Variants in SYT16 observed in about 807,000 individuals in gnomAD.
The protein encoded by SYT16 is synaptotagmin-16.
SYT16 carries 42 observed loss-of-function variants against 61.4 expected under a neutral mutation model. The observed-to-expected ratio is 0.68, with a 90% confidence interval of 0.53 to 0.89. SYT16 has a LOEUF of 0.89. Ranked by LOEUF, SYT16 falls within the 40% of genes least tolerant of loss-of-function variation. The pLI is 0.00. For missense variants in SYT16, 804 were observed against 807.3 expected (o/e 1.00, Z 0.05); for synonymous variants, 314 against 302.3 (o/e 1.04, Z -0.40).
In SYT16 at chr14:61,831,506, T is replaced by C. The variant is rs193258558; in HGVS notation, c.-325+18696T>C. 6.3e-3 allele frequency among the ~76,000 whole-genome samples: 956 copies of C among 152,366 alleles called. 15 individuals are homozygous for C. Among genetic ancestry groups the C allele is most frequent in the African/African-American group, 0.022 (928 of 41,594 alleles). Reference sequence around the variant, plus strand: ...ACATTTTCTGTCTTAATTCTCACTTTCTAATTCTGGAAAATTCTTAGTCAT... The same window carrying C: ...ACATTTTCTGTCTTAATTCTCACTTCCTAATTCTGGAAAATTCTTAGTCAT... On this transcript the variant is annotated intron_variant, in intron 1 of 7. Coordinates refer to ENST00000683842, the MANE Select transcript of SYT16 (RefSeq NM_001367656.1).
intron 6 of SYT16, among the ~76,000 whole-genome samples, chr14:62,083,442 C>T (rs1418542917): frequency 6.6e-6 from 1 of 152,156 alleles, no homozygotes; most frequent in Non-Finnish European, 1.5e-5. Context: ...TGTGCTCCTC[C>T]TCCCGATGTG....
intron 1 of SYT16, among the ~76,000 whole-genome samples, chr14:61,826,457 C>T (rs2045774854): frequency 6.6e-6 from 1 of 151,978 alleles, no homozygotes; most frequent in South Asian, 2.1e-4. Flanking sequence ...ATTTTCTTTA[C>T]AGATGAAGAT....
At chr14:62,028,862 T>C (rs1021110037) in intron 3 of SYT16, among the ~76,000 whole-genome samples, 4 of 152,198 alleles carry the variant, frequency 2.6e-5, no homozygotes, top group African/African-American at 9.6e-5. Flanking sequence ...AACTTGAAAG[T>C]ATTGTGCATA....
At chr14:61,933,783 C>A (rs1198815474) in intron 1 of SYT16, among the ~76,000 whole-genome samples, 2 of 152,052 alleles carry the variant, frequency 1.3e-5, no homozygotes, top group Non-Finnish European at 2.9e-5. Flanking sequence ...TGGACATTTA[C>A]AAAATAAGCT....
chr14:62,086,256 A>G (rs1451657551), intron 7 of SYT16, among the ~76,000 whole-genome samples: 1 of 152,168 alleles, frequency 6.6e-6, no homozygotes. Flanking sequence ...AGGTGAATGG[A>G]TCACCTCAGG....
At chr14:62,025,428 C>T (rs1385760358) in intron 3 of SYT16, among the ~76,000 whole-genome samples, 6 of 152,102 alleles carry the variant, frequency 3.9e-5, no homozygotes, top group Non-Finnish European at 8.8e-5. Context: ...ACATTCTGCC[C>T]ATTTTTAATT....
At chr14:61,909,055 C>T (rs1447160337) in intron 1 of SYT16, among the ~76,000 whole-genome samples, 1 of 152,176 alleles carries the variant, frequency 6.6e-6, no homozygotes, top group African/African-American at 2.4e-5. Context: ...AACTCCCAGT[C>T]TCCCAAAGTG....
chr14:61,922,901 T>G (rs1359544243), intron 1 of SYT16, among the ~76,000 whole-genome samples: 1 of 151,922 alleles, frequency 6.6e-6, no homozygotes, highest in African/African-American at 2.4e-5. Context: ...TACAAAAAAT[T>G]ATCTGGGTGT....
intron 1 of SYT16, among the ~76,000 whole-genome samples, chr14:61,914,616 C>T (rs1216834427): frequency 8.0e-6 from 1 of 125,502 alleles, no homozygotes; most frequent in Non-Finnish European, 1.9e-5. Flanking sequence ...AGGCCAAAAA[C>T]CTTGGGGTTA....
intron 1 of SYT16, chr14:61,831,997 C>A: frequency 1.5e-6 from 1 of 650,412 alleles, no homozygotes; most frequent in Non-Finnish European, 2.9e-6. Context: ...GGGCCGTACA[C>A]ACAGCGCTTC....
rs1350323558 is a variant in SYT16, at chr14:62,112,291, T to C, written c.*11584T>C. ...TTGTGCAAATAATACTTAAGGCAGA[T>C]GTTCAGTCTCACAGTGATGTTGGAA... On this transcript the variant is annotated 3_prime_UTR_variant, in exon 8 of 8. Transcript: ENST00000683842. The C allele has an allele frequency of 6.6e-6, 1 of 152,166 alleles. No homozygotes were observed. The highest frequency in any genetic ancestry group is 1.5e-5 in the Non-Finnish European group (1 of 67,988). 9.4% of individuals were successfully genotyped at this position (152,166 alleles called of 1,614,324 possible). A position where few individuals can be genotyped will look rare whatever the true frequency, so the allele number is the denominator to read the frequency against.
At chr14:62,033,342 T>A (rs2054379603) in intron 3 of SYT16, among the ~76,000 whole-genome samples, 1 of 152,124 alleles carries the variant, frequency 6.6e-6, no homozygotes, top group Non-Finnish European at 1.5e-5. Context: ...AAATCTTGGT[T>A]ATCATATGAG....
At chr14:62,017,997 T>C (rs2053759654) in intron 3 of SYT16, among the ~76,000 whole-genome samples, 1 of 152,208 alleles carries the variant, frequency 6.6e-6, no homozygotes, top group Admixed American at 6.5e-5. Flanking sequence ...ATTATAGGCA[T>C]GAGCCACCTC....
rs544740837 is a variant in SYT16, at chr14:62,008,741, G to A, written c.523+12199G>A. 4.7e-5 allele frequency among the ~76,000 whole-genome samples: 7 copies of A among 148,942 alleles called. No individual in the cohort carries two copies. The South Asian group carries it at 1.5e-3, about 32-fold the overall frequency. Reference sequence around the variant, plus strand: ...GATATAATGCTAAACATAGTATTTTGCAACTTTTTTCCTTCCTTCTCAATG... The same window carrying A: ...GATATAATGCTAAACATAGTATTTTACAACTTTTTTCCTTCCTTCTCAATG... On this transcript the variant is annotated intron_variant, in intron 3 of 7. Coordinates refer to ENST00000683842, the MANE Select transcript of SYT16 (RefSeq NM_001367656.1).
intron 3 of SYT16, among the ~76,000 whole-genome samples, chr14:62,043,636 T>C (rs1344447114): frequency 6.6e-6 from 1 of 152,148 alleles, no homozygotes; most frequent in African/African-American, 2.4e-5. Flanking sequence ...CTTGATCTCT[T>C]GACTTCGTGA....
intron 1 of SYT16, among the ~76,000 whole-genome samples, chr14:61,847,482 CT>C: frequency 6.6e-6 from 1 of 152,188 alleles, no homozygotes; most frequent in African/African-American, 2.4e-5. Flanking sequence ...CTTTTAGGCT[CT>C]TTTCTTTATC....
chr14:61,927,533 G>A (rs2049585758), intron 1 of SYT16, among the ~76,000 whole-genome samples: 1 of 152,130 alleles, frequency 6.6e-6, no homozygotes, highest in Non-Finnish European at 1.5e-5. Context: ...AAATTTATCA[G>A]GATGATAATT....
intron 3 of SYT16, among the ~76,000 whole-genome samples, chr14:62,022,343 A>T (rs958248091): frequency 1.3e-5 from 2 of 152,100 alleles, no homozygotes; most frequent in Non-Finnish European, 2.9e-5. Context: ...TAAATATATC[A>T]TTGCATTGTC....
chr14:61,888,763 A>T (rs1224002709), intron 1 of SYT16, among the ~76,000 whole-genome samples: 1 of 144,514 alleles, frequency 6.9e-6, no homozygotes, highest in African/African-American at 2.6e-5. Context: ...AACAACCTTC[A>T]ATTTGTAAAA....
Sources: allele counts gnomAD v4.1 joint callset (sites outside exome capture counted in the v4.1 genomes callset), GRCh38; gene constraint gnomAD v4.1.1; transcripts MANE v1.5; gene names NCBI Gene and HGNC (gene_info 2026-07-23, HGNC 2026-07-21).